Variants in ARMH4 observed in about 807,000 individuals in gnomAD.
ARMH4 encodes armadillo-like helical domain-containing protein 4.
ARMH4 carries 49 observed loss-of-function variants against 61.9 expected under a neutral mutation model. The observed-to-expected ratio is 0.79, with a 90% CI of 0.63 to 1.00. The LOEUF (loss-of-function observed/expected upper bound fraction) is 1.00, where lower values mean the gene tolerates loss of function less well. ARMH4 is among the 50% of genes least tolerant of loss of function. ARMH4 has a pLI of 0.00. For missense variants in ARMH4, 934 were observed against 930.0 expected (o/e 1.00, Z -0.06); for synonymous variants, 368 against 341.5 (o/e 1.08, Z -0.85).
rs1195335936 is a variant in ARMH4, at chr14:58,001,430, G to C, written c.*3306C>G. On this transcript the variant is annotated 3_prime_UTR_variant, in exon 8 of 8. Coordinates refer to ENST00000267485, the MANE Select transcript of ARMH4 (RefSeq NM_001001872.4). The stretch of plus-strand genomic sequence containing the variant: ...CTTTTGGATATATGCCCAGAAGTGG[G>C]ATAGTTGGATTATATAGTAGTTCTA... 1 of 152,162 alleles carries C rather than the reference G, an allele frequency of 6.6e-6. No individual in the cohort carries two copies. The highest frequency in any genetic ancestry group is 6.5e-5 in the Admixed American group (1 of 15,274). 9.4% of individuals were successfully genotyped at this position (152,162 alleles called of 1,614,324 possible).
Position 58,096,929 on chromosome 14 carries a change from CTCTTCTTCATCTTCA to C in ARMH4, c.1869_1883del (p.Asp623_Glu627del), listed in dbSNP as rs371656172. 2.4e-4 allele frequency: 387 copies of C among 1,613,896 alleles called. 2 individuals are homozygous for C. In the African/African-American group the frequency reaches 4.3e-3, roughly 18 times the overall value. Reference sequence around the variant, plus strand: ...CTTCCTCATCTTCTTCCTCATCTTCCTCTTCTTCATCTTCATCTTCTTCATCCTCTTCATCCTCAT... The same window carrying C: ...CTTCCTCATCTTCTTCCTCATCTTCCTCTTCTTCATCCTCTTCATCCTCAT... On this transcript the variant is annotated inframe_deletion, in exon 5 of 8. Transcript: ENST00000267485.
At chr14:58,005,498 A>G (rs557294430) in intron 6 of ARMH4, among the ~76,000 whole-genome samples, 1 of 152,342 alleles carries the variant, frequency 6.6e-6, no homozygotes, top group African/African-American at 2.4e-5. Context: ...AATTTGTATT[A>G]AAGATGGATG....
rs949617281 is a variant in ARMH4 at position 58,049,317 on chromosome 14, T to C, written c.2090-37167A>G. Among the ~76,000 whole-genome samples the C allele has an allele frequency of 3.3e-5, 5 of 152,216 alleles. No individual in the cohort carries two copies. In the South Asian group the frequency reaches 1.0e-3, roughly 32 times the overall value. On this transcript the variant is annotated intron_variant, in intron 5 of 7. Transcript: ENST00000267485. ...GATTCACTGCTGCAAGATATACTTA[T>C]TTCTGAAGTATAAAAAATGTCATAA... is the stretch of plus-strand genomic sequence containing the variant.
intron 5 of ARMH4, among the ~76,000 whole-genome samples, chr14:58,026,190 G>A (rs1318482700): frequency 6.6e-6 from 1 of 151,952 alleles, no homozygotes; most frequent in Non-Finnish European, 1.5e-5. Flanking sequence ...GGAAATATAT[G>A]ACACATAAAT....
chr14:58,139,541 G>A (rs1887460709), intron 1 of ARMH4, 127 bp from the exon 2 acceptor site: 1 of 620,422 alleles, frequency 1.6e-6, no homozygotes, highest in South Asian at 2.0e-5. Flanking sequence ...GGTAGGAGAG[G>A]ACTGTTCTAT....
In ARMH4 at chr14:58,086,018, T is replaced by C. The variant is rs80246653; in HGVS notation, c.2089+10706A>G. Among the ~76,000 whole-genome samples the C allele has an allele frequency of 9.4e-3, 1,435 of 152,278 alleles. 22 individuals are homozygous for C. Among genetic ancestry groups the C allele is most frequent in the African/African-American group, 0.033 (1,354 of 41,554 alleles). ...AGCAATGAACCAGTGGCAGAGAGAA[T>C]CAGGTTTATAAATGTCTCACTTCCA... On this transcript the variant is annotated intron_variant, in intron 5 of 7. Coordinates refer to ENST00000267485, the MANE Select transcript of ARMH4 (RefSeq NM_001001872.4).
chr14:58,024,845 T>C (rs1466920460), intron 5 of ARMH4, among the ~76,000 whole-genome samples: 2 of 152,110 alleles, frequency 1.3e-5, no homozygotes, highest in African/African-American at 4.8e-5. Context: ...GAATGGGCAG[T>C]CAGTAGAACA....
intron 5 of ARMH4, among the ~76,000 whole-genome samples, chr14:58,034,178 A>G (rs1013986284): frequency 2.9e-5 from 4 of 137,708 alleles, no homozygotes; most frequent in Non-Finnish European, 4.8e-5. Flanking sequence ...CCTCAAAGGA[A>G]AGCCCATCAG....
At chr14:58,125,866 A>T (rs1390320990) in intron 4 of ARMH4, among the ~76,000 whole-genome samples, 1 of 152,192 alleles carries the variant, frequency 6.6e-6, no homozygotes, top group Non-Finnish European at 1.5e-5. Context: ...AGAATCCCTA[A>T]GCCTAGCTGG....
rs1249933314 is a variant in ARMH4, at chr14:58,065,015, G to A, written c.2089+31709C>T. ...TCCCAGCACTTTGGGAGGCCGAGGC[G>A]GGCAGATCACGAGGCCAAGAGATTG... On this transcript the variant is annotated intron_variant, in intron 5 of 7. Transcript: ENST00000267485. 5.3e-5 allele frequency among the ~76,000 whole-genome samples: 8 copies of A among 152,208 alleles called. No individual in the cohort carries two copies. The East Asian group carries it at 5.8e-4, about 11-fold the overall frequency.
Position 58,139,153 on chromosome 14 carries a change from A to G in ARMH4, c.206T>C (p.Val69Ala), listed in dbSNP as rs1887440299. The G allele has an allele frequency of 6.2e-7, 1 of 1,614,114 alleles. No individual in the cohort carries two copies. Among genetic ancestry groups the G allele is most frequent in the African/African-American group, 1.3e-5 (1 of 74,948 alleles). ...SVTSKQTPQL[V>A]VSEDPMMMSA... ...CATCATCATTGGATCTTCAGAGACC[A>G]CCAGTTGGGGAGTCTGCTTTGAGGT... The change falls in exon 2 of 8, where the codon GTG (valine) becomes GCG (alanine). Residue 69 changes from valine to alanine, a missense_variant. Val to Ala is a moderately conservative substitution (Grantham distance 64). Coordinates refer to ENST00000267485, the MANE Select transcript of ARMH4 (RefSeq NM_001001872.4).
chr14:58,004,587 A>G lies in ARMH4; in HGVS notation c.*149T>C. 1 of 655,996 alleles carries G rather than the reference A, an allele frequency of 1.5e-6. No homozygotes were observed. The highest frequency in any genetic ancestry group is 1.8e-5 in the African/African-American group (1 of 55,530). 40.6% of individuals were successfully genotyped at this position (655,996 alleles called of 1,614,324 possible). A position where few individuals can be genotyped will look rare whatever the true frequency, so the allele number is the denominator to read the frequency against. On this transcript the variant is annotated 3_prime_UTR_variant, in exon 8 of 8. Coordinates refer to ENST00000267485, the MANE Select transcript of ARMH4 (RefSeq NM_001001872.4). ...CAACATGCCATTTCTGCTCAGTACA[A>G]GAAAAATCTACTACCCAGCACCCAG... is the stretch of plus-strand genomic sequence containing the variant.
intron 5 of ARMH4, among the ~76,000 whole-genome samples, chr14:58,047,199 GA>G (rs1382586166): frequency 6.6e-6 from 1 of 152,178 alleles, no homozygotes; most frequent in African/African-American, 2.4e-5. Context: ...AATAACGTGG[GA>G]TTATCAGCTA....
Position 58,006,481 on chromosome 14 carries a change from T to C in ARMH4, c.2122-1299A>G, listed in dbSNP as rs59262788. 2.4e-3 allele frequency among the ~76,000 whole-genome samples: 370 copies of C among 152,220 alleles called. 13 individuals are homozygous for C. In the East Asian group the frequency reaches 0.069, roughly 28 times the overall value. On this transcript the variant is annotated intron_variant, in intron 6 of 7. Coordinates refer to ENST00000267485, the MANE Select transcript of ARMH4 (RefSeq NM_001001872.4). ...TCTAGCAGGACATCCAAAGAATACA[T>C]CAGAGTTTATGAAACAGCAGCACTT...
intron 5 of ARMH4, among the ~76,000 whole-genome samples, chr14:58,087,016 G>C (rs1395001564): frequency 6.6e-6 from 1 of 152,166 alleles, no homozygotes; most frequent in Non-Finnish European, 1.5e-5. Flanking sequence ...AGCACACAGA[G>C]ATCCCTAAAT....
chr14:58,094,558 G>T (rs1040513538), intron 5 of ARMH4, among the ~76,000 whole-genome samples: 2 of 152,132 alleles, frequency 1.3e-5, no homozygotes, highest in Non-Finnish European at 2.9e-5. Flanking sequence ...TATGTGTGTG[G>T]ATGTGTATGT....
intron 4 of ARMH4, among the ~76,000 whole-genome samples, chr14:58,125,018 A>G (rs1886851125): frequency 1.3e-5 from 2 of 152,326 alleles, no homozygotes; most frequent in Non-Finnish European, 2.9e-5. Flanking sequence ...AACACCTATT[A>G]AACATCAGGA....
intron 5 of ARMH4, among the ~76,000 whole-genome samples, chr14:58,091,189 G>A (rs939378878): frequency 2.0e-5 from 3 of 151,944 alleles, no homozygotes; most frequent in African/African-American, 7.3e-5. Flanking sequence ...TCCAGCCTGG[G>A]CAACAAAGTA....
At chr14:58,117,172 T>G (rs1338535077) in intron 4 of ARMH4, among the ~76,000 whole-genome samples, 1 of 152,134 alleles carries the variant, frequency 6.6e-6, no homozygotes, top group Non-Finnish European at 1.5e-5. Flanking sequence ...TTCATATACT[T>G]CCCTCTAGAA....
Sources: allele counts gnomAD v4.1 joint callset (sites outside exome capture counted in the v4.1 genomes callset), GRCh38; gene constraint gnomAD v4.1.1; transcripts MANE v1.5; gene names NCBI Gene and HGNC (gene_info 2026-07-23, HGNC 2026-07-21).